The following MFN2 variants were observed in gnomAD, a reference collection of about 807,000 sequenced individuals.
MFN2 encodes the protein mitofusin-2.
In MFN2, 43 loss-of-function variants were observed where a neutral mutation model predicts 87.5. That is an observed-to-expected ratio of 0.49 (90% CI 0.38 to 0.63). The LOEUF (loss-of-function observed/expected upper bound fraction) is 0.63, where lower values mean the gene tolerates loss of function less well. Ranked by LOEUF, MFN2 falls within the 30% of genes least tolerant of loss-of-function variation. The pLI, the probability that MFN2 is intolerant of heterozygous loss-of-function variation, is 0.00. For synonymous variants in MFN2, 337 were observed against 359.9 expected (o/e 0.94, Z 0.72); for missense variants, 743 against 972.8 (o/e 0.76, Z 3.14).
rs966266157 is a variant in MFN2 at position 12,012,205 on chromosome 1, G to A, written c.*640G>A. On this transcript the variant is annotated 3_prime_UTR_variant, in exon 19 of 19. Transcript: ENST00000235329. ...AAGGATGCTGCTGAGGCAGCTGGAG[G>A]AGTGGGAGTAGCTCAGAGGGGAGGG... 1.3e-5 allele frequency: 2 copies of A among 158,296 alleles called. No individual in the cohort carries two copies. The highest frequency in any genetic ancestry group is 6.0e-5 in the Admixed American group (1 of 16,540). The allele number at this position is 158,296 out of a possible 1,614,324, so 9.8% of individuals were successfully genotyped here.
At chr1:11,990,939 TCACTGGGCAGG>T (rs1638648805) in intron 3 of MFN2, among the ~76,000 whole-genome samples, 1 of 152,146 alleles carries the variant, frequency 6.6e-6, no homozygotes, top group Non-Finnish European at 1.5e-5. Context: ...TGGGGGAAAT[TCACTGGGCAGG>T]CCCTTGTCAT....
intron 14 of MFN2, 94 bp from the exon 15 acceptor site, chr1:12,005,617 G>T: frequency 7.8e-7 from 1 of 1,285,034 alleles, no homozygotes; most frequent in Non-Finnish European, 1.1e-6. Context: ...CAGCATCCCT[G>T]GCAGTAGCTG....
intron 3 of MFN2, among the ~76,000 whole-genome samples, chr1:11,991,182 A>G (rs1330672929): frequency 6.6e-6 from 1 of 152,190 alleles, no homozygotes; most frequent in Admixed American, 6.5e-5. Flanking sequence ...AAAGCAGTGC[A>G]GTGATCCAAA....
chr1:11,998,448 T>A (rs1360297299), intron 6 of MFN2, among the ~76,000 whole-genome samples: 1 of 151,978 alleles, frequency 6.6e-6, no homozygotes, highest in Admixed American at 6.6e-5. Context: ...CTTGGGAGGC[T>A]GAGGCAGGAG....
Sources: allele counts gnomAD v4.1 joint callset (sites outside exome capture counted in the v4.1 genomes callset), GRCh38; gene constraint gnomAD v4.1.1; transcripts MANE v1.5; gene names NCBI Gene and HGNC (gene_info 2026-07-23, HGNC 2026-07-21).